LDLRAD3: variants seen among roughly 807,000 people sequenced by gnomAD.
LDLRAD3 encodes low density lipoprotein receptor class A domain containing 3, also known as low-density lipoprotein receptor class A domain-containing protein 3.
LDLRAD3 carries 20 observed loss-of-function variants against 29.4 expected under a neutral mutation model. The ratio of observed to expected loss-of-function variants is 0.68; its 90% CI spans 0.48 to 0.99. The LOEUF is 0.99. Among genes scored for constraint, LDLRAD3 ranks in the 50% least tolerant of loss-of-function variants. The probability of loss-of-function intolerance (pLI) is 0.00; values close to 1 mark genes in which losing one functional copy is unlikely to be tolerated. For missense variants in LDLRAD3, 420 were observed against 454.3 expected, an observed-to-expected ratio of 0.92 and a Z score of 0.69; for synonymous variants, 157 against 192.7, an observed-to-expected ratio of 0.81 and a Z score of 1.53.
intron 3 of LDLRAD3, among the ~76,000 whole-genome samples, chr11:36,094,605 G>A (rs776079537): frequency 2.0e-5 from 3 of 152,126 alleles, no homozygotes; most frequent in African/African-American, 4.8e-5. Context: ...GCACGGACTC[G>A]GCTCATTTCA....
At chr11:35,952,491 C>T (rs977126196) in intron 1 of LDLRAD3, among the ~76,000 whole-genome samples, 4 of 152,084 alleles carry the variant, frequency 2.6e-5, no homozygotes, top group East Asian at 1.9e-4. Flanking sequence ...ATGTGGAGAA[C>T]GTATCAGTAT....
chr11:36,174,341 A>G (rs1432910272), intron 4 of LDLRAD3, among the ~76,000 whole-genome samples: 2 of 152,256 alleles, frequency 1.3e-5, no homozygotes, highest in African/African-American at 4.8e-5. Context: ...AAGCAATGGC[A>G]ACAAAAGCCA....
chr11:36,144,582 C>G (rs1362097306), intron 4 of LDLRAD3, among the ~76,000 whole-genome samples: 1 of 144,470 alleles, frequency 6.9e-6, no homozygotes, highest in African/African-American at 2.6e-5. Context: ...CCGGCCGCCC[C>G]GTCTGAGAAG....
At chr11:36,004,658 C>G (rs1176803992) in intron 1 of LDLRAD3, among the ~76,000 whole-genome samples, 1 of 152,218 alleles carries the variant, frequency 6.6e-6, no homozygotes, top group Admixed American at 6.5e-5. Flanking sequence ...CGTATAGGGG[C>G]TCCAACCCCA....
intron 4 of LDLRAD3, among the ~76,000 whole-genome samples, chr11:36,158,793 A>T (rs541235187): frequency 6.5e-4 from 99 of 151,888 alleles, no homozygotes; most frequent in Non-Finnish European, 1.1e-3. Context: ...ACTGTCTTTT[A>T]TTTTTTTTAA....
intron 1 of LDLRAD3, among the ~76,000 whole-genome samples, chr11:35,999,951 C>G (rs1851802624): frequency 6.6e-6 from 1 of 152,168 alleles, no homozygotes; most frequent in Non-Finnish European, 1.5e-5. Context: ...GCAGGTCTGT[C>G]TGCAGTGGTA....
At chr11:36,027,743 G>A (rs1380026985) in intron 1 of LDLRAD3, among the ~76,000 whole-genome samples, 1 of 152,224 alleles carries the variant, frequency 6.6e-6, no homozygotes, top group African/African-American at 2.4e-5. Flanking sequence ...TGGGCACAAG[G>A]GGCTGGGCTG....
At chr11:36,175,340 T>C (rs1375351666) in intron 4 of LDLRAD3, among the ~76,000 whole-genome samples, 2 of 152,210 alleles carry the variant, frequency 1.3e-5, no homozygotes, top group East Asian at 3.8e-4. Flanking sequence ...TTCTTTCATT[T>C]CTTCTGCTGG....
At chr11:36,223,224 C>T (rs1158437708) in intron 4 of LDLRAD3, among the ~76,000 whole-genome samples, 1 of 152,186 alleles carries the variant, frequency 6.6e-6, no homozygotes, top group Non-Finnish European at 1.5e-5. Context: ...TGCGTCTCGC[C>T]TGCCAAAGTG....
chr11:36,054,583 C>T (rs149854779), intron 2 of LDLRAD3, among the ~76,000 whole-genome samples: 1 of 152,354 alleles, frequency 6.6e-6, no homozygotes, highest in Non-Finnish European at 1.5e-5. Flanking sequence ...ATTGACATCA[C>T]CCAGTTCTTT....
chr11:36,156,098 G>A (rs1285416379), intron 4 of LDLRAD3, among the ~76,000 whole-genome samples: 2 of 152,200 alleles, frequency 1.3e-5, no homozygotes, highest in Non-Finnish European at 2.9e-5. Flanking sequence ...CTGCTGATTC[G>A]AGGTAGAGCC....
chr11:36,203,858 T>C (rs1436013338), intron 4 of LDLRAD3, among the ~76,000 whole-genome samples: 1 of 152,152 alleles, frequency 6.6e-6, no homozygotes, highest in Non-Finnish European at 1.5e-5. Flanking sequence ...TTCTTTGGTT[T>C]GGGAAGCACA....
At chr11:36,191,300 G>A (rs1854938119) in intron 4 of LDLRAD3, among the ~76,000 whole-genome samples, 2 of 152,200 alleles carry the variant, frequency 1.3e-5, no homozygotes, top group South Asian at 4.1e-4. Context: ...CACTTTGGGA[G>A]GCTGAGGAAA....
intron 1 of LDLRAD3, among the ~76,000 whole-genome samples, chr11:35,981,860 A>G (rs1241287296): frequency 6.6e-6 from 1 of 152,212 alleles, no homozygotes; most frequent in African/African-American, 2.4e-5. Flanking sequence ...CTTTTGTTGC[A>G]TGTTAGAAAA....
chr11:36,007,408 C>G (rs1590202168), intron 1 of LDLRAD3, among the ~76,000 whole-genome samples: 1 of 152,134 alleles, frequency 6.6e-6, no homozygotes, highest in East Asian at 1.9e-4. Context: ...AGAGACTCAT[C>G]ACTTAAGTAA....
At chr11:35,977,918 T>C (rs1851495430) in intron 1 of LDLRAD3, among the ~76,000 whole-genome samples, 1 of 152,140 alleles carries the variant, frequency 6.6e-6, no homozygotes, top group Admixed American at 6.5e-5. Flanking sequence ...CATAAGAATT[T>C]TGGAGGTACA....
At chr11:36,202,810 C>T (rs1303903335) in intron 4 of LDLRAD3, among the ~76,000 whole-genome samples, 1 of 152,160 alleles carries the variant, frequency 6.6e-6, no homozygotes, top group Non-Finnish European at 1.5e-5. Context: ...CAGACCCTGA[C>T]AGGGAGCTAG....
At chr11:36,031,243 T>C (rs1205520533) in intron 1 of LDLRAD3, among the ~76,000 whole-genome samples, 1 of 152,228 alleles carries the variant, frequency 6.6e-6, no homozygotes, top group Non-Finnish European at 1.5e-5. Flanking sequence ...TTGTCTTTTT[T>C]GGATTCTAAA....
chr11:36,068,407 T>G (rs141576565), intron 2 of LDLRAD3, among the ~76,000 whole-genome samples: 1 of 152,352 alleles, frequency 6.6e-6, no homozygotes, highest in Non-Finnish European at 1.5e-5. Context: ...GGGAGTTCTA[T>G]ACCATCTTTA....
Sources: allele counts gnomAD v4.1 joint callset (sites outside exome capture counted in the v4.1 genomes callset), GRCh38; gene constraint gnomAD v4.1.1; transcripts MANE v1.5; gene names NCBI Gene and HGNC (gene_info 2026-07-23, HGNC 2026-07-21).